ACAP2: variants seen among roughly 807,000 people sequenced by gnomAD.
ACAP2 encodes ArfGAP with coiled-coil, ankyrin repeat and PH domains 2.
A neutral mutation model predicts 115.8 loss-of-function variants in ACAP2; 39 were observed. The ratio of observed to expected loss-of-function variants is 0.34; its 90% CI spans 0.26 to 0.44. The LOEUF (loss-of-function observed/expected upper bound fraction) is 0.44, where lower values mean the gene tolerates loss of function less well. Among genes scored for constraint, ACAP2 ranks in the 20% least tolerant of loss-of-function variants. The probability of loss-of-function intolerance (pLI) is 1.00; values close to 1 mark genes in which losing one functional copy is unlikely to be tolerated. For missense variants in ACAP2, 662 were observed against 927.6 expected (o/e 0.71, Z 3.72); for synonymous variants, 289 against 315.8 (o/e 0.92, Z 0.90).
chr3:195,373,757 C>G (rs1733332055), intron 4 of ACAP2, among the ~76,000 whole-genome samples: 2 of 151,738 alleles, frequency 1.3e-5, no homozygotes, highest in Non-Finnish European at 2.9e-5. Flanking sequence ...TAGTGAAAGC[C>G]CATCTCTACT....
intron 4 of ACAP2, among the ~76,000 whole-genome samples, chr3:195,374,813 C>A (rs1468112548): frequency 6.6e-6 from 1 of 152,086 alleles, no homozygotes; most frequent in Non-Finnish European, 1.5e-5. Flanking sequence ...CTCCCGGGTT[C>A]ATGCCATTCT....
At chr3:195,439,368 G>T (rs116696517) in intron 1 of ACAP2, among the ~76,000 whole-genome samples, 2 of 151,348 alleles carry the variant, frequency 1.3e-5, no homozygotes, top group Non-Finnish European at 2.9e-5. Context: ...TTGTAGAGAC[G>T]GTGTCTCACT....
intron 1 of ACAP2, among the ~76,000 whole-genome samples, chr3:195,420,493 C>G (rs550497355): frequency 6.6e-6 from 1 of 151,808 alleles, no homozygotes; most frequent in Non-Finnish European, 1.5e-5. Flanking sequence ...GGACTATAGG[C>G]GCGTGCCACC....
At position 195,333,009 on chromosome 3, in the gene ACAP2, A is replaced by G; in HGVS notation, c.669+19T>C. 1 of 1,545,278 alleles carries G rather than the reference A, an allele frequency of 6.5e-7. No homozygotes were observed. The highest frequency in any genetic ancestry group is 8.9e-7 in the Non-Finnish European group (1 of 1,127,168). Reference sequence around the variant, plus strand: ...TACCAATGTATAAAACAGAATCAAGAAATATACTGCAACATTACCTGTGCA... The same window carrying G: ...TACCAATGTATAAAACAGAATCAAGGAATATACTGCAACATTACCTGTGCA... On this transcript the variant is annotated intron_variant, in intron 8 of 22. Transcript: ENST00000326793.
At chr3:195,356,135 T>G in intron 4 of ACAP2, 1 of 456,604 alleles carries the variant, frequency 2.2e-6, no homozygotes, top group South Asian at 1.5e-5. Context: ...ACCCCAGCCC[T>G]CCCCCATGCG....
intron 1 of ACAP2, among the ~76,000 whole-genome samples, chr3:195,418,038 T>C (rs1344376092): frequency 2.0e-5 from 3 of 152,270 alleles, no homozygotes; most frequent in East Asian, 3.9e-4. Context: ...AAAAGGCCCA[T>C]GATCTGACCC....
chr3:195,276,116 C>T lies in ACAP2; in HGVS notation c.*3212G>A, dbSNP rs113473451. On this transcript the variant is annotated 3_prime_UTR_variant, in exon 23 of 23. Coordinates refer to ENST00000326793, the MANE Select transcript of ACAP2 (RefSeq NM_012287.6). ...GTCTTAAACACAATTTCATTTACTG[C>T]GACCATACTTAACATGCATAAAATA... 63 of 152,684 alleles carry T rather than the reference C, an allele frequency of 4.1e-4. No individual in the cohort carries two copies. Among genetic ancestry groups the T allele is most frequent in the African/African-American group, 1.4e-3 (59 of 41,560 alleles). The allele number at this position is 152,684 out of a possible 1,614,324, so 9.5% of individuals were successfully genotyped here. A position where few individuals can be genotyped will look rare whatever the true frequency, so the allele number is the denominator to read the frequency against.
rs142921097 is a variant in ACAP2, at chr3:195,397,640, G to A, written c.54-5493C>T. Among the ~76,000 whole-genome samples the A allele has an allele frequency of 4.9e-4, 74 of 151,578 alleles. No homozygotes were observed. In the Middle Eastern group the frequency reaches 0.017, roughly 35 times the overall value. ...AAAGAAAACTTCTTGTGTTTGAATC[G>A]CTACTATACTTCTTATTAGCTGTGT... is the stretch of plus-strand genomic sequence containing the variant. On this transcript the variant is annotated intron_variant, in intron 1 of 22. Transcript: ENST00000326793.
At chr3:195,420,982 T>C (rs952660424) in intron 1 of ACAP2, among the ~76,000 whole-genome samples, 20 of 152,140 alleles carry the variant, frequency 1.3e-4, no homozygotes, top group Admixed American at 1.2e-3. Flanking sequence ...TCTATAGTGA[T>C]AGAATAAGGA....
intron 2 of ACAP2, among the ~76,000 whole-genome samples, chr3:195,386,400 C>CT (rs1351770322): frequency 6.6e-6 from 1 of 152,042 alleles, no homozygotes. Context: ...TTTATCTCAA[C>CT]TTTTTTTAAT....
chr3:195,366,676 A>G (rs1235296118), intron 4 of ACAP2, among the ~76,000 whole-genome samples: 1 of 152,222 alleles, frequency 6.6e-6, no homozygotes, highest in Non-Finnish European at 1.5e-5. Context: ...AAAATTACTA[A>G]TGCCTGCTTC....
chr3:195,356,416 T>C (rs1731973957), intron 4 of ACAP2, among the ~76,000 whole-genome samples: 1 of 152,172 alleles, frequency 6.6e-6, no homozygotes. Flanking sequence ...TCACAAGGAC[T>C]GTAACTCCTA....
intron 1 of ACAP2, among the ~76,000 whole-genome samples, chr3:195,413,407 A>G (rs1197410889): frequency 1.3e-5 from 2 of 152,190 alleles, no homozygotes; most frequent in African/African-American, 4.8e-5. Context: ...CAAAATATAC[A>G]AAGAACTCTT....
chr3:195,402,455 T>A (rs1004114858), intron 1 of ACAP2, among the ~76,000 whole-genome samples: 2 of 152,178 alleles, frequency 1.3e-5, no homozygotes, highest in African/African-American at 4.8e-5. Context: ...ACTAAAGTTA[T>A]AATGAAAAAA....
intron 1 of ACAP2, among the ~76,000 whole-genome samples, chr3:195,426,175 C>T (rs757805810): frequency 1.3e-5 from 2 of 152,186 alleles, no homozygotes; most frequent in Non-Finnish European, 2.9e-5. Flanking sequence ...TATCGGCCTT[C>T]CTTCCGTTCC....
At chr3:195,441,805 A>G (rs1309259291) in intron 1 of ACAP2, 1 of 152,230 alleles carries the variant, frequency 6.6e-6, no homozygotes, top group Non-Finnish European at 1.5e-5. Context: ...TCCATTGTCC[A>G]AAACAACTCA....
At chr3:195,378,690 A>C (rs1577384212) in intron 4 of ACAP2, among the ~76,000 whole-genome samples, 1 of 151,818 alleles carries the variant, frequency 6.6e-6, no homozygotes, top group East Asian at 1.9e-4. Flanking sequence ...CCAAAATCCC[A>C]TCTCTACTAA....
At chr3:195,301,704 T>G in intron 14 of ACAP2, 60 bp from the exon 15 acceptor site, 11 of 1,492,814 alleles carry the variant, frequency 7.4e-6, no homozygotes, top group Non-Finnish European at 1.0e-5. Flanking sequence ...TTTGCGCAAG[T>G]TCTGTTTTAA....
At chr3:195,282,381 C>G (rs1726563215) in intron 22 of ACAP2, 1 of 152,172 alleles carries the variant, frequency 6.6e-6, no homozygotes, top group African/African-American at 2.4e-5. Context: ...GCCACCTTCA[C>G]ATACACACAA....
Sources: allele counts gnomAD v4.1 joint callset (sites outside exome capture counted in the v4.1 genomes callset), GRCh38; gene constraint gnomAD v4.1.1; transcripts MANE v1.5; gene names NCBI Gene and HGNC (gene_info 2026-07-23, HGNC 2026-07-21).